Variants in RAB36 observed in about 807,000 individuals in gnomAD.
The protein encoded by RAB36 is ras-related protein Rab-36.
A neutral mutation model predicts 39.3 loss-of-function variants in RAB36; 33 were observed. The observed-to-expected ratio is 0.84, with a 90% CI of 0.64 to 1.12. RAB36 has a LOEUF of 1.12. Ranked by LOEUF, RAB36 falls within the 50% of genes most tolerant of loss-of-function variation. The pLI is 0.00. For missense variants in RAB36, 308 were observed against 355.3 expected, an observed-to-expected ratio of 0.87 and a Z score of 1.07; for synonymous variants, 133 against 140.2, an observed-to-expected ratio of 0.95 and a Z score of 0.36.
intron 6 of RAB36, chr22:23,156,341 G>A: frequency 3.5e-6 from 1 of 287,824 alleles, no homozygotes; most frequent in Non-Finnish European, 6.7e-6. Flanking sequence ...GAGAAGGGCA[G>A]CACTGGACTC....
chr22:23,155,751 C>T (rs1452780440), intron 5 of RAB36, among the ~76,000 whole-genome samples: 2 of 152,226 alleles, frequency 1.3e-5, no homozygotes, highest in Non-Finnish European at 2.9e-5. Flanking sequence ...CACCCCCATC[C>T]ACTAGGAATG....
chr22:23,167,899 C>G (rs1324300455), downstream of RAB36, among the ~76,000 whole-genome samples: 1 of 152,014 alleles, frequency 6.6e-6, no homozygotes, highest in African/African-American at 2.4e-5. Flanking sequence ...GTTACCCAGG[C>G]TGGAGTGCAA....
chr22:23,166,147 TAA>T (rs695297), downstream of RAB36, among the ~76,000 whole-genome samples: 11,700 of 59,480 alleles, frequency 0.2, 1,421 homozygotes, highest in Non-Finnish European at 0.23. Context: ...CTCTGTCTTT[TAA>T]AAAAAAAAAA....
downstream of RAB36, among the ~76,000 whole-genome samples, chr22:23,166,890 G>A (rs1333697523): frequency 6.6e-5 from 10 of 152,110 alleles, no homozygotes; most frequent in Admixed American, 6.5e-4. Flanking sequence ...GTGCCTCCTG[G>A]GGGAGTAGCA....
At chr22:23,152,377 G>A (rs536576270) in intron 3 of RAB36, 84 bp from the exon 4 acceptor site, 37 of 1,408,090 alleles carry the variant, frequency 2.6e-5, no homozygotes, top group Admixed American at 1.0e-4. Context: ...CACCAGCAGA[G>A]AGCTCAGGGA....
In RAB36 at chr22:23,164,371, C is replaced by T. The variant is rs1422287932; in HGVS notation, c.*2807C>T. ...CCTCCTGCAATGTGCCAGCTGATTCCCACACACCCTGACTGACATAGTTGT... is the reference window on the plus strand; with the variant it reads ...CCTCCTGCAATGTGCCAGCTGATTCTCACACACCCTGACTGACATAGTTGT... On this transcript the variant is annotated 3_prime_UTR_variant, in exon 11 of 11. Coordinates refer to ENST00000263116, the MANE Select transcript of RAB36 (RefSeq NM_004914.5). 6.6e-6 allele frequency: 1 copy of T among 152,278 alleles called. No individual in the cohort carries two copies. The highest frequency in any genetic ancestry group is 1.5e-5 in the Non-Finnish European group (1 of 68,066). The allele number at this position is 152,278 out of a possible 1,614,324, so 9.4% of individuals were successfully genotyped here. A position where few individuals can be genotyped will look rare whatever the true frequency, so the allele number is the denominator to read the frequency against.
intron 5 of RAB36, among the ~76,000 whole-genome samples, chr22:23,154,082 G>GC: frequency 6.6e-6 from 1 of 151,992 alleles, no homozygotes; most frequent in South Asian, 2.1e-4. Context: ...CATCTGAGTG[G>GC]CCCAGGGCCA....
Position 23,148,977 on chromosome 22 carries a change from G to C in RAB36, c.70-1086G>C, listed in dbSNP as rs370497886. 3.3e-5 allele frequency among the ~76,000 whole-genome samples: 5 copies of C among 152,324 alleles called. No individual in the cohort carries two copies. The East Asian group carries it at 5.8e-4, about 18-fold the overall frequency. ...AAAAGGTGCTATTATGAGCATCCCTGTTTAATATTTAAGGAAACTGGAGCT... is the reference window on the plus strand; with the variant it reads ...AAAAGGTGCTATTATGAGCATCCCTCTTTAATATTTAAGGAAACTGGAGCT... On this transcript the variant is annotated intron_variant, in intron 2 of 10. Coordinates refer to ENST00000263116, the MANE Select transcript of RAB36 (RefSeq NM_004914.5).
In RAB36 at chr22:23,165,443, G is replaced by A. The variant is rs1299474431; in HGVS notation, c.*3879G>A. 6.6e-6 allele frequency among the ~76,000 whole-genome samples: 1 copy of A among 152,188 alleles called. No homozygotes were observed. The highest frequency in any genetic ancestry group is 6.5e-5 in the Admixed American group (1 of 15,280). On this transcript the variant is annotated 3_prime_UTR_variant, in exon 11 of 11. Coordinates refer to ENST00000263116, the MANE Select transcript of RAB36 (RefSeq NM_004914.5). ...AAGGCGGTTTGGGGCTGGAGGATAT[G>A]TTCTGATCTTGGGAAGAGCTTGGTA... is the stretch of plus-strand genomic sequence containing the variant.
chr22:23,158,114 C>A lies in RAB36; in HGVS notation c.446+71C>A, dbSNP rs536536901. 38 of 1,594,584 alleles carry A rather than the reference C, an allele frequency of 2.4e-5. 1 individual carries two copies. In the South Asian group the frequency reaches 4.2e-4, roughly 17 times the overall value. ...AGCTGCCTGGAAGGGCTCCCAGACC[C>A]TGGCCAGTGGACCCTGACCCCGTGG... On this transcript the variant is annotated intron_variant, in intron 7 of 10. Coordinates refer to ENST00000263116, the MANE Select transcript of RAB36 (RefSeq NM_004914.5).
intron 3 of RAB36, 120 bp from the exon 4 acceptor site, chr22:23,152,341 C>A: frequency 9.8e-7 from 1 of 1,017,438 alleles, no homozygotes; most frequent in Non-Finnish European, 1.5e-6. Flanking sequence ...GGTGGCCCAT[C>A]CTGTGTCCAG....
At chr22:23,147,272 G>A (rs1404113143) in intron 2 of RAB36, among the ~76,000 whole-genome samples, 1 of 152,152 alleles carries the variant, frequency 6.6e-6, no homozygotes, top group Non-Finnish European at 1.5e-5. Context: ...ATAGGGGGCA[G>A]TGGACAATAT....
chr22:23,153,218 C>A, intron 5 of RAB36, 84 bp downstream of exon 5: 3 of 1,040,520 alleles, frequency 2.9e-6, no homozygotes, highest in South Asian at 1.3e-5. Context: ...TCACTGTGTC[C>A]ATGTCAAGGA....
At chr22:23,148,175 C>T (rs1478468076) in intron 2 of RAB36, among the ~76,000 whole-genome samples, 1 of 152,080 alleles carries the variant, frequency 6.6e-6, no homozygotes, top group Non-Finnish European at 1.5e-5. Flanking sequence ...CTTTACCTTC[C>T]TCCCTAAGTT....
At position 23,146,648 on chromosome 22, in the gene RAB36, C is replaced by G; in HGVS notation, c.32C>G (p.Pro11Arg). 1.9e-6 allele frequency: 3 copies of G among 1,614,088 alleles called. No homozygotes were observed. Among genetic ancestry groups the G allele is most frequent in the Non-Finnish European group, 2.5e-6 (3 of 1,179,980 alleles). Residue 11 changes from proline to arginine, a missense_variant, in exon 2 of 11, where the codon CCT becomes CGT. Coordinates refer to ENST00000263116, the MANE Select transcript of RAB36 (RefSeq NM_004914.5). ...TCCTCCCTGACACCTTTGGGGCCCCCTGTGAGCCGCGACCGTGTCATCGCC... is the reference window on the plus strand; with the variant it reads ...TCCTCCCTGACACCTTTGGGGCCCCGTGTGAGCCGCGACCGTGTCATCGCC... MRSSLTPLGP[P>R]VSRDRVIASF... is the part of the protein sequence containing the mutation.
rs1357054041 is a variant in RAB36, at chr22:23,153,080, T to C, written c.275T>C (p.Val92Ala). Residue 92 changes from valine to alanine, a missense_variant, in exon 5 of 11, where the codon GTG (valine) becomes GCG (alanine). Coordinates refer to ENST00000263116, the MANE Select transcript of RAB36 (RefSeq NM_004914.5). ...FDRDYKATIG[V>A]DFEIERFEIA... ...CGAGACTACAAGGCCACCATTGGGG[T>C]GGACTTTGAAATTGAGCGCTTTGAG... 1 of 1,613,884 alleles carries C rather than the reference T, an allele frequency of 6.2e-7. No homozygotes were observed. Among genetic ancestry groups the C allele is most frequent in the Non-Finnish European group, 8.5e-7 (1 of 1,179,998 alleles).
chr22:23,161,396 A>T, intron 10 of RAB36, 104 bp from the exon 11 acceptor site: 1 of 1,070,104 alleles, frequency 9.3e-7, no homozygotes, highest in Non-Finnish European at 1.4e-6. Flanking sequence ...CAGCAGGCCC[A>T]GAAGCTTCAG....
chr22:23,158,820 G>A, intron 7 of RAB36, 78 bp from the exon 8 acceptor site: 1 of 1,297,068 alleles, frequency 7.7e-7, no homozygotes, highest in Non-Finnish European at 1.1e-6. Flanking sequence ...GCCCTGGGGA[G>A]GTCCCAAGTG....
Position 23,157,974 on chromosome 22 carries a change from CT to C in RAB36, c.395-13del, listed in dbSNP as rs899684698. The C allele has an allele frequency of 2.5e-6, 4 of 1,614,008 alleles. No individual in the cohort carries two copies. The highest frequency in any genetic ancestry group is 3.4e-6 in the Non-Finnish European group (4 of 1,179,968). On this transcript the variant is annotated splice_polypyrimidine_tract_variant and intron_variant, in intron 6 of 10. Coordinates refer to ENST00000263116, the MANE Select transcript of RAB36 (RefSeq NM_004914.5). The stretch of plus-strand genomic sequence containing the variant: ...TCGCCTGGCACTGATTGGCTGTTGG[CT>C]TTTTCCGGGTGTCTAGTGATCATCA...
Sources: gnomAD v4.1 joint callset for allele counts (sites outside exome capture counted in the v4.1 genomes callset) on GRCh38, gnomAD v4.1.1 for gene constraint, MANE v1.5 for transcripts, NCBI Gene and HGNC (gene_info 2026-07-23, HGNC 2026-07-21) for gene names.